Variants in ABCC1 observed in about 807,000 individuals in gnomAD.
ABCC1 encodes the protein multidrug resistance-associated protein 1.
Under a neutral mutation model 172.9 loss-of-function variants are expected in ABCC1, and 83 were observed. That is an observed-to-expected ratio of 0.48 (90% confidence interval 0.40 to 0.58). ABCC1 has a LOEUF of 0.58. Among genes scored for constraint, ABCC1 ranks in the 20% least tolerant of loss-of-function variants. The pLI is 0.00. For synonymous variants in ABCC1, 937 were observed against 825.2 expected, an observed-to-expected ratio of 1.14 and a Z score of -2.32; for missense variants, 1,817 against 2,002.7, an observed-to-expected ratio of 0.91 and a Z score of 1.77.
At chr16:15,954,718 G>C (rs762996575) in intron 1 of ABCC1, among the ~76,000 whole-genome samples, 1 of 152,142 alleles carries the variant, frequency 6.6e-6, no homozygotes, top group Non-Finnish European at 1.5e-5. Flanking sequence ...GAAGGGTCGT[G>C]TTCTCTTTCT....
rs1371844619 is a variant in ABCC1 at position 16,068,270 on chromosome 16, A to G, written c.1792A>G (p.Ile598Val). 5 of 1,613,888 alleles carry G rather than the reference A, an allele frequency of 3.1e-6. No individual in the cohort carries two copies. The highest frequency in any genetic ancestry group is 4.2e-6 in the Non-Finnish European group (5 of 1,180,008). ...CAACATCCTCCGGTTTCCCCTGAAC[A>G]TTCTCCCCATGGTCATCAGCAGCAT... ...LFNILRFPLN[I>V]LPMVISSIVQ... The change falls in exon 13 of 31, where the codon ATT becomes GTT. Residue 598 changes from isoleucine (I) to valine (V), a missense_variant. Physicochemically the swap from Ile to Val is conservative, Grantham distance 29 (BLOSUM62 3). Around this residue, in one of 3 missense-constraint regions of ABCC1, gnomAD observed 1,412 missense variants for 1,600.3 expected, o/e 0.88. Transcript: ENST00000399410.
chr16:16,069,154 AAAT>A (rs1567368903), intron 13 of ABCC1, among the ~76,000 whole-genome samples: 353 of 142,470 alleles, frequency 2.5e-3, no homozygotes, highest in African/African-American at 8.5e-3. Flanking sequence ...AAAAAAAATA[AAAT>A]AAAATAAAAT....
intron 7 of ABCC1, among the ~76,000 whole-genome samples, chr16:16,037,720 C>G (rs1465227044): frequency 2.6e-5 from 4 of 152,214 alleles, no homozygotes; most frequent in Non-Finnish European, 5.9e-5. Context: ...AGGGAAAAAC[C>G]CCAGACCGGG....
chr16:15,999,148 C>T (rs925406865), intron 1 of ABCC1, among the ~76,000 whole-genome samples: 1 of 151,892 alleles, frequency 6.6e-6, no homozygotes, highest in South Asian at 2.1e-4. Context: ...CTACAGGTGC[C>T]CGCCACCACA....
chr16:16,124,959 G>C, intron 25 of ABCC1, 44 bp downstream of exon 25: 1 of 1,612,482 alleles, frequency 6.2e-7, no homozygotes, highest in Non-Finnish European at 8.5e-7. Flanking sequence ...GTCTGTTAAT[G>C]GGGGAGCCAG....
Position 16,106,930 on chromosome 16 carries a change from G to A in ABCC1, c.2871+57G>A, listed in dbSNP as rs936502990. The A allele has an allele frequency of 8.1e-6, 13 of 1,604,694 alleles. No homozygotes were observed. In the African/African-American group the frequency reaches 9.4e-5, roughly 12 times the overall value. On this transcript the variant is annotated intron_variant, in intron 21 of 30. Transcript: ENST00000399410. ...CTGGAGTTTATAGAGCGCCCACTGT[G>A]CACTGGGCACTGTGCAAAGTGCCTT...
At chr16:15,990,120 T>C (rs780715945) in intron 1 of ABCC1, among the ~76,000 whole-genome samples, 3 of 152,100 alleles carry the variant, frequency 2.0e-5, no homozygotes, top group Non-Finnish European at 4.4e-5. Flanking sequence ...AGTGGTGCGA[T>C]CTCAGCTCAC....
Position 16,131,677 on chromosome 16 carries a change from G to A in ABCC1, c.3820-112G>A, listed in dbSNP as rs1307920129. The A allele has an allele frequency of 2.4e-6, 3 of 1,259,422 alleles. No individual in the cohort carries two copies. In the African/African-American group the frequency reaches 4.5e-5, roughly 19 times the overall value. The allele number at this position is 1,259,422 out of a possible 1,614,324, so 78.0% of individuals were successfully genotyped here. A position where few individuals can be genotyped will look rare whatever the true frequency, so the allele number is the denominator to read the frequency against. On this transcript the variant is annotated intron_variant, in intron 26 of 30. Coordinates refer to ENST00000399410, the MANE Select transcript of ABCC1 (RefSeq NM_004996.4). Reference sequence around the variant, plus strand: ...GGAAGGGCAACCCCCCAGTGCTGAGGCCTGGGAGGCCACCTTGGGCAGCAG... The same window carrying A: ...GGAAGGGCAACCCCCCAGTGCTGAGACCTGGGAGGCCACCTTGGGCAGCAG...
At chr16:16,100,000 C>T (rs538589699) in intron 19 of ABCC1, among the ~76,000 whole-genome samples, 6 of 151,974 alleles carry the variant, frequency 3.9e-5, no homozygotes, top group South Asian at 2.1e-4. Context: ...GTGGGAGGAT[C>T]GATTGAACCC....
At chr16:16,021,149 C>T (rs759477423) in intron 5 of ABCC1, among the ~76,000 whole-genome samples, 2 of 152,004 alleles carry the variant, frequency 1.3e-5, no homozygotes, top group African/African-American at 2.4e-5. Context: ...ACATGTGGCA[C>T]GTATATTATG....
intron 23 of ABCC1, among the ~76,000 whole-genome samples, chr16:16,115,402 T>A (rs1320016896): frequency 2.6e-5 from 4 of 152,154 alleles, no homozygotes; most frequent in Non-Finnish European, 1.5e-5. Context: ...TCACCCAGGC[T>A]GGAGTGCAGT....
chr16:16,022,223 C>T (rs999782784), intron 5 of ABCC1, among the ~76,000 whole-genome samples: 11 of 152,138 alleles, frequency 7.2e-5, no homozygotes, highest in South Asian at 6.2e-4. Context: ...GTCACTGAGT[C>T]GGCCAATCCT....
chr16:15,999,486 G>A (rs1282364500), intron 1 of ABCC1, among the ~76,000 whole-genome samples: 1 of 151,672 alleles, frequency 6.6e-6, no homozygotes, highest in Non-Finnish European at 1.5e-5. Context: ...GTGGTGGCAG[G>A]CGCCTATAGT....
At position 16,011,772 on chromosome 16, in the gene ABCC1, C is replaced by T. The variant is rs561463584; in HGVS notation, c.351+1871C>T. Among the ~76,000 whole-genome samples the T allele has an allele frequency of 4.7e-4, 72 of 152,084 alleles. No individual in the cohort carries two copies. The South Asian group carries it at 0.011, about 23-fold the overall frequency. ...GCAACCTCTGCCTCCTGGATTCAAG[C>T]GATTCTCCTGCCTCAGCCTCCCGAG... On this transcript the variant is annotated intron_variant, in intron 3 of 30. Transcript: ENST00000399410.
intron 13 of ABCC1, among the ~76,000 whole-genome samples, chr16:16,070,537 T>C (rs1447533845): frequency 1.3e-5 from 2 of 151,880 alleles, no homozygotes; most frequent in East Asian, 1.9e-4. Context: ...TGGTGGCAGG[T>C]GCCTGTAGTC....
intron 1 of ABCC1, among the ~76,000 whole-genome samples, chr16:15,958,686 G>A (rs1418653859): frequency 6.6e-6 from 1 of 152,218 alleles, no homozygotes; most frequent in Non-Finnish European, 1.5e-5. Context: ...CCTGAGGCAA[G>A]CTTCCCCCCG....
chr16:15,966,268 C>G (rs1338976945), intron 1 of ABCC1, among the ~76,000 whole-genome samples: 2 of 149,578 alleles, frequency 1.3e-5, no homozygotes, highest in East Asian at 3.9e-4. Flanking sequence ...CAAAAATTAG[C>G]TGGCGTGGTG....
intron 19 of ABCC1, among the ~76,000 whole-genome samples, chr16:16,101,968 A>T (rs1344825189): frequency 6.6e-6 from 1 of 152,202 alleles, no homozygotes; most frequent in Non-Finnish European, 1.5e-5. Flanking sequence ...TGAAGACTCA[A>T]TCAGGGAAGG....
chr16:15,957,976 A>G (rs2046037750), intron 1 of ABCC1, among the ~76,000 whole-genome samples: 2 of 152,228 alleles, frequency 1.3e-5, no homozygotes, highest in South Asian at 2.1e-4. Flanking sequence ...TGCTAGCCCC[A>G]GGCCCACATT....
Sources: gnomAD v4.1 joint callset for allele counts (sites outside exome capture counted in the v4.1 genomes callset) on GRCh38, gnomAD v4.1.1 for gene constraint, gnomAD v4.1.1 regional missense constraint, MANE v1.5 for transcripts, NCBI Gene and HGNC (gene_info 2026-07-23, HGNC 2026-07-21) for gene names.